TMEM132D: variants seen among roughly 807,000 people sequenced by gnomAD.
TMEM132D encodes mature OL transmembrane protein.
Under a neutral mutation model 62.3 loss-of-function variants are expected in TMEM132D, and 21 were observed. The ratio of observed to expected loss-of-function variants is 0.34; its 90% CI spans 0.24 to 0.49. The LOEUF is 0.49. TMEM132D is among the 20% of genes least tolerant of loss of function. The pLI is 0.99. For missense variants in TMEM132D, 1,346 were observed against 1,402.8 expected, an observed-to-expected ratio of 0.96 and a Z score of 0.65; for synonymous variants, 621 against 575.6, an observed-to-expected ratio of 1.08 and a Z score of -1.13.
At chr12:129,102,484 G>GCACA (rs35085030) in intron 5 of TMEM132D, among the ~76,000 whole-genome samples, 3,153 of 149,284 alleles carry the variant, frequency 0.021, 112 homozygotes, top group African/African-American at 0.074. Flanking sequence ...CTCACACAAT[G>GCACA]CACACACACA....
At chr12:129,656,292 A>AAAGGGAAGAGAGG (rs374594241) in intron 2 of TMEM132D, among the ~76,000 whole-genome samples, 1 of 150,416 alleles carries the variant, frequency 6.6e-6, no homozygotes, top group African/African-American at 2.4e-5. Context: ...AGGGAAGAGA[A>AAAGGGAAGAGAGG]GGAAGGAGAG....
At position 129,204,497 on chromosome 12, in the gene TMEM132D, C is replaced by T. The variant is rs527573956; in HGVS notation, c.1443+5023G>A. ...AAGGAAGAAAATGAAGAAGAACAAACAAAGCCTCTGAGGAAGGCTTATGGG... is the reference window on the plus strand; with the variant it reads ...AAGGAAGAAAATGAAGAAGAACAAATAAAGCCTCTGAGGAAGGCTTATGGG... On this transcript the variant is annotated intron_variant, in intron 5 of 8. Coordinates refer to ENST00000422113, the MANE Select transcript of TMEM132D (RefSeq NM_133448.3). Among the ~76,000 whole-genome samples, 72 of 152,230 alleles carry T rather than the reference C, an allele frequency of 4.7e-4. 1 individual carries two copies. Among genetic ancestry groups the T allele is most frequent in the South Asian group, 3.7e-3 (18 of 4,822 alleles).
chr12:129,810,877 G>A (rs2137315747), intron 1 of TMEM132D, among the ~76,000 whole-genome samples: 1 of 152,206 alleles, frequency 6.6e-6, no homozygotes, highest in East Asian at 1.9e-4. Flanking sequence ...CAAGACATAG[G>A]TATTTGTCAA....
chr12:129,550,037 C>T (rs1876851231), intron 2 of TMEM132D, among the ~76,000 whole-genome samples: 2 of 152,104 alleles, frequency 1.3e-5, no homozygotes, highest in Admixed American at 6.5e-5. Context: ...TATAAACATA[C>T]AAACTAAAAG....
At chr12:129,891,640 T>C (rs1206544007) in intron 1 of TMEM132D, among the ~76,000 whole-genome samples, 2 of 152,204 alleles carry the variant, frequency 1.3e-5, no homozygotes, top group African/African-American at 4.8e-5. Context: ...TGTGAGGCTA[T>C]CTAAGGAAGT....
intron 5 of TMEM132D, among the ~76,000 whole-genome samples, chr12:129,108,143 G>A (rs900772077): frequency 1.6e-4 from 25 of 152,260 alleles, no homozygotes; most frequent in African/African-American, 5.8e-4. Flanking sequence ...CTTACATGGT[G>A]TGGGGACAGT....
intron 2 of TMEM132D, among the ~76,000 whole-genome samples, chr12:129,695,236 G>C (rs968768310): frequency 1.3e-5 from 2 of 152,162 alleles, no homozygotes; most frequent in South Asian, 4.1e-4. Flanking sequence ...GACAGCCAAG[G>C]GGGGCAGCAG....
chr12:129,849,361 T>A (rs1038471316), intron 1 of TMEM132D, among the ~76,000 whole-genome samples: 1 of 152,186 alleles, frequency 6.6e-6, no homozygotes, highest in African/African-American at 2.4e-5. Context: ...ACCATACTTG[T>A]TTTTCTAGGG....
chr12:129,527,245 G>T (rs1388550484), intron 3 of TMEM132D, among the ~76,000 whole-genome samples: 1 of 152,144 alleles, frequency 6.6e-6, no homozygotes, highest in Non-Finnish European at 1.5e-5. Context: ...GGAGGCAGAG[G>T]CTGCAGTGAG....
Position 129,145,073 on chromosome 12 carries a change from TATTA to T in TMEM132D, c.1444-60375_1444-60372del, listed in dbSNP as rs553178168. Among the ~76,000 whole-genome samples, 288 of 152,272 alleles carry T rather than the reference TATTA, an allele frequency of 1.9e-3. 1 individual carries two copies. The highest frequency in any genetic ancestry group is 3.9e-3 in the African/African-American group (162 of 41,544). ...ATATGGAAACATATATGAACTATTA[TATTA>T]ATTATTTTATGTATTCATAGACTAA... On this transcript the variant is annotated intron_variant, in intron 5 of 8. Transcript: ENST00000422113.
chr12:129,879,630 G>A (rs34880422), intron 1 of TMEM132D, among the ~76,000 whole-genome samples: 5,276 of 152,164 alleles, frequency 0.035, 115 homozygotes, highest in African/African-American at 0.043. Flanking sequence ...GAAACACCTA[G>A]GGGGAATTTG....
chr12:129,125,619 C>G (rs997914495), intron 5 of TMEM132D, among the ~76,000 whole-genome samples: 3 of 150,896 alleles, frequency 2.0e-5, no homozygotes, highest in African/African-American at 4.9e-5. Context: ...TCCTGTGTAG[C>G]TGGGACTACA....
chr12:129,692,934 C>G (rs781469553), intron 2 of TMEM132D, among the ~76,000 whole-genome samples: 1 of 152,062 alleles, frequency 6.6e-6, no homozygotes, highest in Non-Finnish European at 1.5e-5. Flanking sequence ...CAAACCACCA[C>G]GGCACACGTT....
chr12:129,550,323 C>T (rs1335819942), intron 2 of TMEM132D, among the ~76,000 whole-genome samples: 1 of 152,106 alleles, frequency 6.6e-6, no homozygotes, highest in Non-Finnish European at 1.5e-5. Flanking sequence ...AGGATTAATT[C>T]CTCTGCCTTT....
chr12:129,616,668 C>T (rs1357036165), intron 2 of TMEM132D, among the ~76,000 whole-genome samples: 1 of 152,182 alleles, frequency 6.6e-6, no homozygotes, highest in Non-Finnish European at 1.5e-5. Context: ...CTCCTTGCTG[C>T]CGCCATGTGA....
At chr12:129,555,277 C>T (rs1172089342) in intron 2 of TMEM132D, among the ~76,000 whole-genome samples, 3 of 152,182 alleles carry the variant, frequency 2.0e-5, no homozygotes, top group African/African-American at 7.2e-5. Context: ...TAGCCTACAA[C>T]AGAACAGACT....
rs138094386 is a variant in TMEM132D at position 129,264,746 on chromosome 12, C to T, written c.1300-55083G>A. On this transcript the variant is annotated intron_variant, in intron 4 of 8. Transcript: ENST00000422113. Reference sequence around the variant, plus strand: ...AATACTACTCAGCCATGAAAAGGAACGAATTAACAGCATTTGCAGTGAGCT... The same window carrying T: ...AATACTACTCAGCCATGAAAAGGAATGAATTAACAGCATTTGCAGTGAGCT... Among the ~76,000 whole-genome samples, 583 of 152,176 alleles carry T rather than the reference C, an allele frequency of 3.8e-3. 3 individuals are homozygous for T. Among genetic ancestry groups the T allele is most frequent in the African/African-American group, 0.013 (531 of 41,518 alleles).
intron 4 of TMEM132D, among the ~76,000 whole-genome samples, chr12:129,330,833 A>C (rs1486644769): frequency 1.3e-5 from 2 of 152,192 alleles, no homozygotes; most frequent in African/African-American, 4.8e-5. Flanking sequence ...AGACAAATAC[A>C]CCAAGGATCA....
intron 1 of TMEM132D, among the ~76,000 whole-genome samples, chr12:129,718,865 C>T (rs1868696908): frequency 6.6e-6 from 1 of 152,028 alleles, no homozygotes; most frequent in South Asian, 2.1e-4. Context: ...CAAGTTATTC[C>T]ATGTGATGCT....
Sources: gnomAD v4.1 joint callset for allele counts (sites outside exome capture counted in the v4.1 genomes callset) on GRCh38, gnomAD v4.1.1 for gene constraint, MANE v1.5 for transcripts, NCBI Gene and HGNC (gene_info 2026-07-23, HGNC 2026-07-21) for gene names.